SNTG1: variants seen among roughly 807,000 people sequenced by gnomAD.
The protein encoded by SNTG1 is syntrophin gamma 1, also known as gamma-1-syntrophin.
In SNTG1, 39 loss-of-function variants were observed where a neutral mutation model predicts 74.7. The observed-to-expected ratio is 0.52, with a 90% CI of 0.40 to 0.68. SNTG1 has a LOEUF of 0.68. SNTG1 is among the 30% of genes least tolerant of loss of function. The pLI, the probability that SNTG1 is intolerant of heterozygous loss-of-function variation, is 0.00. For synonymous variants in SNTG1, 254 were observed against 217.1 expected (o/e 1.17, Z -1.49); for missense variants, 685 against 609.5 (o/e 1.12, Z -1.30).
At chr8:50,239,694 A>G (rs2086082596) in intron 2 of SNTG1, among the ~76,000 whole-genome samples, 4 of 152,198 alleles carry the variant, frequency 2.6e-5, no homozygotes, top group Admixed American at 2.6e-4. Context: ...TCAGGCTTCC[A>G]AATCTTTTAG....
intron 1 of SNTG1, among the ~76,000 whole-genome samples, chr8:50,113,883 C>A (rs1009570693): frequency 5.9e-5 from 9 of 151,768 alleles, no homozygotes; most frequent in Non-Finnish European, 8.8e-5. Context: ...GCACGTTGTG[C>A]ACATGTACCC....
intron 2 of SNTG1, among the ~76,000 whole-genome samples, chr8:50,391,233 G>A (rs569256328): frequency 1.3e-5 from 2 of 152,216 alleles, no homozygotes; most frequent in South Asian, 4.1e-4. Flanking sequence ...TTATTATTTT[G>A]AGATATGTCC....
chr8:50,507,648 T>G lies in SNTG1; in HGVS notation c.466+4768T>G, dbSNP rs898265116. Reference sequence around the variant, plus strand: ...TATTACTCTTTAACAATCATTTTGGTTTTTGTGGCATCAGTTGTAATGTCT... The same window carrying G: ...TATTACTCTTTAACAATCATTTTGGGTTTTGTGGCATCAGTTGTAATGTCT... On this transcript the variant is annotated intron_variant, in intron 9 of 18. Transcript: ENST00000642720. Among the ~76,000 whole-genome samples, 14 of 152,126 alleles carry G rather than the reference T, an allele frequency of 9.2e-5. No individual in the cohort carries two copies. In the East Asian group the frequency reaches 2.7e-3, roughly 29 times the overall value.
At chr8:50,674,271 T>C (rs969369642) in intron 15 of SNTG1, among the ~76,000 whole-genome samples, 3 of 152,172 alleles carry the variant, frequency 2.0e-5, no homozygotes, top group African/African-American at 7.2e-5. Context: ...TTTTTGTACC[T>C]CTGGTAGAAT....
chr8:50,316,509 G>A (rs1267297400), intron 2 of SNTG1, among the ~76,000 whole-genome samples: 1 of 152,046 alleles, frequency 6.6e-6, no homozygotes, highest in East Asian at 1.9e-4. Context: ...TTTTTGTTTG[G>A]TCACTCTATT....
intron 1 of SNTG1, among the ~76,000 whole-genome samples, chr8:50,038,392 A>C (rs1208182434): frequency 6.6e-6 from 1 of 152,190 alleles, no homozygotes; most frequent in African/African-American, 2.4e-5. Context: ...GTAAGGACCC[A>C]GTGGAAATTA....
chr8:50,252,538 C>A (rs1347796422), intron 2 of SNTG1, among the ~76,000 whole-genome samples: 1 of 152,066 alleles, frequency 6.6e-6, no homozygotes, highest in African/African-American at 2.4e-5. Context: ...TTATTAAGAT[C>A]ACAGATACAA....
At chr8:50,047,541 A>C (rs188431458) in intron 1 of SNTG1, among the ~76,000 whole-genome samples, 1 of 152,344 alleles carries the variant, frequency 6.6e-6, no homozygotes, top group East Asian at 1.9e-4. Flanking sequence ...AATTACATGA[A>C]CAGAATACAT....
intron 3 of SNTG1, among the ~76,000 whole-genome samples, chr8:50,398,744 T>C (rs2092761932): frequency 1.3e-5 from 2 of 152,192 alleles, no homozygotes; most frequent in South Asian, 4.1e-4. Context: ...CTGGCCACCA[T>C]GGTGGTGAAA....
chr8:50,609,199 G>A lies in SNTG1; in HGVS notation c.849+18282G>A, dbSNP rs141382509. 1.6e-3 allele frequency among the ~76,000 whole-genome samples: 243 copies of A among 152,004 alleles called. 1 individual carries two copies. The highest frequency in any genetic ancestry group is 5.4e-3 in the African/African-American group (224 of 41,506). Reference sequence around the variant, plus strand: ...ATTAGTTTTCGTTTCTCACACTGTCGGACTTCGTTAAGTATTTCATGTGGG... The same window carrying A: ...ATTAGTTTTCGTTTCTCACACTGTCAGACTTCGTTAAGTATTTCATGTGGG... On this transcript the variant is annotated intron_variant, in intron 13 of 18. Coordinates refer to ENST00000642720, the MANE Select transcript of SNTG1 (RefSeq NM_018967.5).
intron 1 of SNTG1, among the ~76,000 whole-genome samples, chr8:49,937,803 T>C (rs1284723456): frequency 6.6e-6 from 1 of 152,200 alleles, no homozygotes; most frequent in African/African-American, 2.4e-5. Context: ...CTTTTAGAGT[T>C]ATTCAGCTGT....
At chr8:50,606,770 A>G (rs1012628873) in intron 13 of SNTG1, among the ~76,000 whole-genome samples, 6 of 151,960 alleles carry the variant, frequency 3.9e-5, no homozygotes, top group Non-Finnish European at 8.8e-5. Context: ...TAAAAATTTT[A>G]ATCAGAATAA....
At chr8:50,788,079 A>C (rs1364536562) in intron 18 of SNTG1, among the ~76,000 whole-genome samples, 1 of 152,102 alleles carries the variant, frequency 6.6e-6, no homozygotes, top group Non-Finnish European at 1.5e-5. Context: ...TCATTTACAC[A>C]ATAATGACAT....
At chr8:50,378,770 G>A (rs2092431928) in intron 2 of SNTG1, among the ~76,000 whole-genome samples, 1 of 152,058 alleles carries the variant, frequency 6.6e-6, no homozygotes, top group African/African-American at 2.4e-5. Context: ...TCTCAGCAGA[G>A]AGGGTAGCTC....
At chr8:50,195,947 T>G (rs2131813317) in intron 2 of SNTG1, among the ~76,000 whole-genome samples, 1 of 152,282 alleles carries the variant, frequency 6.6e-6, no homozygotes, top group African/African-American at 2.4e-5. Flanking sequence ...CGGTCCTCCA[T>G]GATGATGATT....
intron 4 of SNTG1, among the ~76,000 whole-genome samples, chr8:50,429,845 G>T (rs900598204): frequency 4.6e-5 from 7 of 151,998 alleles, no homozygotes; most frequent in Non-Finnish European, 8.8e-5. Flanking sequence ...ACTAAAGAAG[G>T]TATATAAATG....
chr8:50,462,843 A>C (rs1162981428), intron 8 of SNTG1, among the ~76,000 whole-genome samples: 2 of 80,370 alleles, frequency 2.5e-5, no homozygotes, highest in Non-Finnish European at 4.3e-5. Context: ...TTTGAGACGA[A>C]GTCTCATTGT....
At chr8:50,335,225 T>C (rs1463109336) in intron 2 of SNTG1, among the ~76,000 whole-genome samples, 1 of 152,234 alleles carries the variant, frequency 6.6e-6, no homozygotes, top group South Asian at 2.1e-4. Context: ...TAGTTTCATA[T>C]TGCAGTCATA....
At chr8:49,963,904 G>A (rs1213474425) in intron 1 of SNTG1, among the ~76,000 whole-genome samples, 1 of 152,128 alleles carries the variant, frequency 6.6e-6, no homozygotes, top group East Asian at 1.9e-4. Flanking sequence ...TCTCATCAAT[G>A]TCTGATATTT....
Sources: allele counts gnomAD v4.1 joint callset (sites outside exome capture counted in the v4.1 genomes callset), GRCh38; gene constraint gnomAD v4.1.1; transcripts MANE v1.5; gene names NCBI Gene and HGNC (gene_info 2026-07-23, HGNC 2026-07-21).